The following ZNF708 variants were observed in gnomAD, a reference collection of about 807,000 sequenced individuals.
ZNF708 encodes the protein ZNF15, ZNF15L1.
A neutral mutation model predicts 47.0 loss-of-function variants in ZNF708; 44 were observed. The observed-to-expected ratio is 0.94, with a 90% confidence interval of 0.74 to 1.20. The LOEUF (loss-of-function observed/expected upper bound fraction) is 1.20. ZNF708 is among the 50% of genes most tolerant of loss of function. The pLI, the probability that ZNF708 is intolerant of heterozygous loss-of-function variation, is 0.00. For synonymous variants in ZNF708, 184 were observed against 218.5 expected (o/e 0.84, Z 1.39); for missense variants, 557 against 656.0 (o/e 0.85, Z 1.65).
At position 21,292,819 on chromosome 19, in the gene ZNF708, C is replaced by A. The variant is rs1225866445; in HGVS notation, c.*455G>T. The A allele has an allele frequency of 5.9e-6, 1 of 170,780 alleles. No homozygotes were observed. Among genetic ancestry groups the A allele is most frequent in the Non-Finnish European group, 1.3e-5 (1 of 79,076 alleles). The allele number at this position is 170,780 out of a possible 1,614,324, so 10.6% of individuals were successfully genotyped here. On this transcript the variant is annotated 3_prime_UTR_variant, in exon 4 of 4. Transcript: ENST00000356929. ...TTCTCAAGTATAAATGCTTTCCTGG[C>A]AATAAGGTGTGAGTATTCATTAAAA...
rs565438611 is a variant in ZNF708 at position 21,298,500 on chromosome 19, T to C, written c.227-3761A>G. Among the ~76,000 whole-genome samples the C allele has an allele frequency of 1.2e-3, 182 of 152,286 alleles. 2 individuals are homozygous for C. Among genetic ancestry groups the C allele is most frequent in the South Asian group, 4.1e-3 (20 of 4,830 alleles). On this transcript the variant is annotated intron_variant, in intron 3 of 3. Coordinates refer to ENST00000356929, the MANE Select transcript of ZNF708 (RefSeq NM_021269.3). ...AATGTAATCTAGAGATTTAATGTAA[T>C]GTCTTTCAAATTTCTTATTGCACTT...
At chr19:21,298,566 C>A (rs1972590900) in intron 3 of ZNF708, among the ~76,000 whole-genome samples, 2 of 152,072 alleles carry the variant, frequency 1.3e-5, no homozygotes, top group South Asian at 4.1e-4. Flanking sequence ...TATATGGAAT[C>A]TCAAGAGACT....
chr19:21,322,887 G>A (rs946641021), intron 1 of ZNF708, among the ~76,000 whole-genome samples: 2 of 152,088 alleles, frequency 1.3e-5, no homozygotes, highest in Non-Finnish European at 2.9e-5. Flanking sequence ...CTGTCCTTAC[G>A]GCAGATGCCA....
chr19:21,328,309 A>G (rs1225937723), intron 1 of ZNF708, among the ~76,000 whole-genome samples: 1 of 152,272 alleles, frequency 6.6e-6, no homozygotes, highest in Non-Finnish European at 1.5e-5. Flanking sequence ...GCTTTGTCAA[A>G]AAATGATTAA....
intron 1 of ZNF708, 65 bp from the exon 2 acceptor site, chr19:21,310,692 C>T: frequency 7.5e-7 from 1 of 1,329,202 alleles, no homozygotes; most frequent in Non-Finnish European, 9.8e-7. Context: ...TAATTTGACT[C>T]AAGGTGAAAT....
chr19:21,300,166 C>T (rs966009312), intron 3 of ZNF708, among the ~76,000 whole-genome samples: 3 of 149,430 alleles, frequency 2.0e-5, no homozygotes, highest in Admixed American at 6.7e-5. Flanking sequence ...AGCCAGGCGT[C>T]GTGCCACTGC....
rs536206791 is a variant in ZNF708, at chr19:21,293,277, T to C, written c.1689A>G (p.Lys563=). The change falls in exon 4 of 4, where the codon AAA becomes AAG. Residue 563 remains lysine (K), a synonymous_variant. Coordinates refer to ENST00000356929, the MANE Select transcript of ZNF708 (RefSeq NM_021269.3). The part of the protein sequence containing the change: ...IHTKEKPYKC[K] ...ATACACTAAAGGATTTGACACATTA[T>C]TTACATTTGTAGGGTTTCTCTTTGG... is the stretch of plus-strand genomic sequence containing the variant. 45 of 1,601,542 alleles carry C rather than the reference T, an allele frequency of 2.8e-5. No individual in the cohort carries two copies. The East Asian group carries it at 7.6e-4, about 27-fold the overall frequency.
intron 1 of ZNF708, among the ~76,000 whole-genome samples, chr19:21,319,073 T>A (rs547524163): frequency 2.6e-5 from 4 of 152,324 alleles, no homozygotes; most frequent in Admixed American, 2.6e-4. Flanking sequence ...CATTTTATAT[T>A]TCAGAAGTAT....
At chr19:21,313,241 T>C (rs1972936486) in intron 1 of ZNF708, among the ~76,000 whole-genome samples, 1 of 151,210 alleles carries the variant, frequency 6.6e-6, no homozygotes, top group Non-Finnish European at 1.5e-5. Context: ...TGAGCTGAGA[T>C]TGTGTCACTG....
intron 3 of ZNF708, among the ~76,000 whole-genome samples, chr19:21,308,231 A>G (rs1006204818): frequency 2.0e-5 from 3 of 152,016 alleles, no homozygotes; most frequent in African/African-American, 7.2e-5. Flanking sequence ...CATTTTTTTC[A>G]TAGTAATAGA....
intron 1 of ZNF708, among the ~76,000 whole-genome samples, chr19:21,317,778 T>C (rs1973045351): frequency 6.6e-6 from 1 of 152,196 alleles, no homozygotes; most frequent in African/African-American, 2.4e-5. Flanking sequence ...ATTCACCTGG[T>C]CATTGGGGAT....
chr19:21,321,522 C>T (rs1033431102), intron 1 of ZNF708, among the ~76,000 whole-genome samples: 22 of 150,376 alleles, frequency 1.5e-4, no homozygotes, highest in African/African-American at 5.1e-4. Flanking sequence ...GCGGAAGTTG[C>T]AGTGAGCCAA....
At chr19:21,314,018 G>C (rs1270221176) in intron 1 of ZNF708, among the ~76,000 whole-genome samples, 1 of 151,854 alleles carries the variant, frequency 6.6e-6, no homozygotes, top group Non-Finnish European at 1.5e-5. Context: ...ATCTGCTTTT[G>C]GGTTTCAGGA....
intron 1 of ZNF708, among the ~76,000 whole-genome samples, chr19:21,324,977 T>C (rs918312563): frequency 2.6e-5 from 4 of 152,100 alleles, no homozygotes; most frequent in Non-Finnish European, 5.9e-5. Context: ...CCCTATTCTT[T>C]TTCTTGGTAG....
intron 1 of ZNF708, among the ~76,000 whole-genome samples, chr19:21,323,421 T>A (rs1973192976): frequency 6.6e-6 from 1 of 152,236 alleles, no homozygotes; most frequent in Non-Finnish European, 1.5e-5. Flanking sequence ...CTGACTTCAG[T>A]GTGAAACATT....
Position 21,293,166 on chromosome 19 carries a change from A to T in ZNF708, c.*108T>A. The T allele has an allele frequency of 7.9e-7, 1 of 1,259,408 alleles. No individual in the cohort carries two copies. Among genetic ancestry groups the T allele is most frequent in the Non-Finnish European group, 1.1e-6 (1 of 892,822 alleles). 78.0% of individuals were successfully genotyped at this position (1,259,408 alleles called of 1,614,324 possible). A position where few individuals can be genotyped will look rare whatever the true frequency, so the allele number is the denominator to read the frequency against. On this transcript the variant is annotated 3_prime_UTR_variant, in exon 4 of 4. Coordinates refer to ENST00000356929, the MANE Select transcript of ZNF708 (RefSeq NM_021269.3). ...TATCTTTTGTTTCATAAGGATTAAG[A>T]GCCAGTTAAAGGCTTTGCCACATTT...
At chr19:21,303,312 G>A (rs1213646732) in intron 3 of ZNF708, among the ~76,000 whole-genome samples, 1 of 152,134 alleles carries the variant, frequency 6.6e-6, no homozygotes, top group East Asian at 1.9e-4. Flanking sequence ...CAGCATTTTG[G>A]GAGGCCAAGG....
At chr19:21,299,323 A>C (rs1165867476) in intron 3 of ZNF708, among the ~76,000 whole-genome samples, 1 of 152,252 alleles carries the variant, frequency 6.6e-6, no homozygotes, top group Non-Finnish European at 1.5e-5. Flanking sequence ...ACTGCACTCC[A>C]GCCTGGGTGA....
intron 1 of ZNF708, among the ~76,000 whole-genome samples, chr19:21,310,933 G>A (rs1972886662): frequency 6.6e-6 from 1 of 152,150 alleles, no homozygotes; most frequent in South Asian, 2.1e-4. Context: ...ACATCATACA[G>A]AATGACTTGT....
Sources: allele counts gnomAD v4.1 joint callset (sites outside exome capture counted in the v4.1 genomes callset), GRCh38; gene constraint gnomAD v4.1.1; transcripts MANE v1.5; gene names NCBI Gene and HGNC (gene_info 2026-07-23, HGNC 2026-07-21).